The following SDC2 variants were observed in gnomAD, a reference collection of about 807,000 sequenced individuals.
SDC2 encodes syndecan 2, also known as syndecan-2.
Under a neutral mutation model 22.2 loss-of-function variants are expected in SDC2, and 13 were observed. The ratio of observed to expected loss-of-function variants is 0.59; its 90% CI spans 0.38 to 0.93. The LOEUF (loss-of-function observed/expected upper bound fraction) is 0.93. Ranked by LOEUF, SDC2 falls within the 40% of genes least tolerant of loss-of-function variation. The pLI, the probability that SDC2 is intolerant of heterozygous loss-of-function variation, is 0.00. For synonymous variants in SDC2, 94 were observed against 92.8 expected (o/e 1.01, Z -0.07); for missense variants, 235 against 246.8 (o/e 0.95, Z 0.32).
At chr8:96,573,406 GGGATT>G (rs374068631) in intron 1 of SDC2, among the ~76,000 whole-genome samples, 8 of 16,428 alleles carry the variant, frequency 4.9e-4, no homozygotes, top group African/African-American at 1.4e-3. Context: ...GGGAAACCAT[GGGATT>G]GCTAAGGCTC....
chr8:96,596,994 T>A (rs889735416), intron 2 of SDC2, among the ~76,000 whole-genome samples: 1 of 152,152 alleles, frequency 6.6e-6, no homozygotes, highest in African/African-American at 2.4e-5. Context: ...GCTGGAAGTC[T>A]GTTTAAGAAA....
intron 1 of SDC2, among the ~76,000 whole-genome samples, chr8:96,545,467 G>T (rs2130523298): frequency 6.6e-6 from 1 of 152,318 alleles, no homozygotes; most frequent in Admixed American, 6.5e-5. Context: ...GAGGACTTGA[G>T]ATTTGCCTTT....
chr8:96,518,769 G>A (rs1459947462), intron 1 of SDC2, among the ~76,000 whole-genome samples: 1 of 152,174 alleles, frequency 6.6e-6, no homozygotes, highest in East Asian at 1.9e-4. Flanking sequence ...ATTGTTCACA[G>A]CTGGTGCATG....
intron 1 of SDC2, among the ~76,000 whole-genome samples, chr8:96,589,834 G>A (rs975592789): frequency 6.6e-6 from 1 of 152,182 alleles, no homozygotes. Context: ...AGACACGGAC[G>A]TGGGCAGTGA....
chr8:96,573,924 T>C (rs2514781), intron 1 of SDC2, among the ~76,000 whole-genome samples: 139,377 of 151,846 alleles, frequency 0.92, 64,213 homozygotes, highest in Non-Finnish European at 0.96. Context: ...CCCTACCCTT[T>C]ATCACACAGA....
intron 2 of SDC2, among the ~76,000 whole-genome samples, chr8:96,593,946 C>A (rs188138471): frequency 6.6e-6 from 1 of 152,284 alleles, no homozygotes; most frequent in African/African-American, 2.4e-5. Context: ...TTAAGACTTT[C>A]AGAGTGATGT....
chr8:96,498,444 A>ATG (rs1440004092), intron 1 of SDC2, among the ~76,000 whole-genome samples: 3 of 151,552 alleles, frequency 2.0e-5, no homozygotes, highest in Non-Finnish European at 2.9e-5. Context: ...GGGTTTGGAA[A>ATG]TGTGGTCCCT....
intron 1 of SDC2, among the ~76,000 whole-genome samples, chr8:96,562,334 A>G (rs1814223185): frequency 6.6e-6 from 1 of 152,230 alleles, no homozygotes; most frequent in Non-Finnish European, 1.5e-5. Flanking sequence ...TCAGGTCCAC[A>G]GCCTTTCAGT....
intron 1 of SDC2, among the ~76,000 whole-genome samples, chr8:96,501,155 T>C (rs1235863444): frequency 6.6e-6 from 1 of 152,078 alleles, no homozygotes; most frequent in African/African-American, 2.4e-5. Flanking sequence ...CACAGGTATA[T>C]TAAATACAAG....
At chr8:96,509,856 G>T (rs1052921716) in intron 1 of SDC2, among the ~76,000 whole-genome samples, 3 of 152,190 alleles carry the variant, frequency 2.0e-5, no homozygotes, top group African/African-American at 7.2e-5. Flanking sequence ...AAGCAGTGTG[G>T]AATTGGGAAA....
At chr8:96,558,363 C>A (rs911076234) in intron 1 of SDC2, among the ~76,000 whole-genome samples, 7 of 151,822 alleles carry the variant, frequency 4.6e-5, no homozygotes, top group African/African-American at 1.7e-4. Flanking sequence ...AGCTGATAGG[C>A]CTTCATGGAT....
At chr8:96,548,903 A>G (rs572598499) in intron 1 of SDC2, among the ~76,000 whole-genome samples, 13 of 152,194 alleles carry the variant, frequency 8.5e-5, no homozygotes, top group Admixed American at 1.3e-4. Context: ...TTTGACCCCA[A>G]TTCCGTGGGG....
chr8:96,515,829 A>T (rs1296524880), intron 1 of SDC2, among the ~76,000 whole-genome samples: 1 of 152,138 alleles, frequency 6.6e-6, no homozygotes, highest in African/African-American at 2.4e-5. Flanking sequence ...GAAAATTTTA[A>T]ATTTGAAAAT....
At chr8:96,532,421 T>TTG (rs995045865) in intron 1 of SDC2, among the ~76,000 whole-genome samples, 3 of 142,970 alleles carry the variant, frequency 2.1e-5, no homozygotes, top group Non-Finnish European at 4.6e-5. Flanking sequence ...CGTTTTTTTT[T>TTG]TTTTTTTTTT....
intron 1 of SDC2, among the ~76,000 whole-genome samples, chr8:96,557,707 A>G (rs546038289): frequency 6.6e-6 from 1 of 152,228 alleles, no homozygotes; most frequent in Admixed American, 6.5e-5. Context: ...GCGCACCAGC[A>G]TGGCACATGT....
At chr8:96,565,542 G>A (rs1394908359) in intron 1 of SDC2, among the ~76,000 whole-genome samples, 1 of 152,102 alleles carries the variant, frequency 6.6e-6, no homozygotes, top group Admixed American at 6.5e-5. Context: ...TATGTATTAG[G>A]ATAGAGACAT....
At chr8:96,526,788 G>A (rs1215080131) in intron 1 of SDC2, among the ~76,000 whole-genome samples, 1 of 152,222 alleles carries the variant, frequency 6.6e-6, no homozygotes, top group African/African-American at 2.4e-5. Flanking sequence ...TGTAGCTGTG[G>A]CCAGGGCTCC....
chr8:96,524,728 C>T lies in SDC2; in HGVS notation c.60+30397C>T, dbSNP rs114108452. Among the ~76,000 whole-genome samples, 283 of 152,264 alleles carry T rather than the reference C, an allele frequency of 1.9e-3. 1 individual carries two copies. The highest frequency in any genetic ancestry group is 6.5e-3 in the African/African-American group (271 of 41,550). On this transcript the variant is annotated intron_variant, in intron 1 of 4. Transcript: ENST00000302190. ...CTGAAGTCATATTTAGAAATCATTC[C>T]TCCTCCTTTTTTCTCCTTTCCAATA...
chr8:96,496,249 A>G (rs2130410079), intron 1 of SDC2, among the ~76,000 whole-genome samples: 1 of 152,332 alleles, frequency 6.6e-6, no homozygotes, highest in East Asian at 1.9e-4. Flanking sequence ...TTTTGGCCGA[A>G]CTATATACCT....
Sources: allele counts gnomAD v4.1 joint callset (sites outside exome capture counted in the v4.1 genomes callset), GRCh38; gene constraint gnomAD v4.1.1; transcripts MANE v1.5; gene names NCBI Gene and HGNC (gene_info 2026-07-23, HGNC 2026-07-21).